The following COL5A2 variants were observed in gnomAD, a reference collection of about 807,000 sequenced individuals.
COL5A2 encodes collagen alpha-2(V) chain.
COL5A2 carries 23 observed loss-of-function variants against 208.2 expected under a neutral mutation model. The observed-to-expected ratio is 0.11, with a 90% CI of 0.08 to 0.16. The LOEUF (loss-of-function observed/expected upper bound fraction) is 0.16, where lower values mean the gene tolerates loss of function less well. Ranked by LOEUF, COL5A2 falls within the 10% of genes least tolerant of loss-of-function variation. COL5A2 has a pLI of 1.00. For synonymous variants in COL5A2, 625 were observed against 628.5 expected (o/e 0.99, Z 0.08); for missense variants, 1,590 against 1,956.4 (o/e 0.81, Z 3.53).
the COL5A2 span, among the ~76,000 whole-genome samples, chr2:189,342,747 G>A: frequency 6.6e-6 from 1 of 151,356 alleles, no homozygotes; most frequent in African/African-American, 2.4e-5. Context: ...TATACATTTT[G>A]TGTATTTGAG....
upstream of COL5A2, among the ~76,000 whole-genome samples, chr2:189,182,861 C>T (rs1387576847): frequency 3.3e-5 from 5 of 152,172 alleles, no homozygotes; most frequent in East Asian, 7.7e-4. Flanking sequence ...GATGATCCCT[C>T]CCTCTGCACT....
At chr2:189,270,686 G>C in the COL5A2 span, among the ~76,000 whole-genome samples, 5 of 151,966 alleles carry the variant, frequency 3.3e-5, no homozygotes, top group African/African-American at 4.8e-5. Flanking sequence ...AGAAATAAAG[G>C]GTATTCAAAT....
chr2:189,268,286 A>G, the COL5A2 span, among the ~76,000 whole-genome samples: 7 of 152,306 alleles, frequency 4.6e-5, no homozygotes, highest in East Asian at 9.6e-4. Context: ...TTTTTAAGAT[A>G]TAACATTCTC....
intron 1 of COL5A2, among the ~76,000 whole-genome samples, chr2:189,223,390 C>T (rs749463580): frequency 6.6e-6 from 1 of 152,138 alleles, no homozygotes; most frequent in Non-Finnish European, 1.5e-5. Flanking sequence ...AATCATTCTC[C>T]TCATTCACTG....
In COL5A2 at chr2:189,064,580, C is replaced by G. The variant is rs730880066; in HGVS notation, c.1693G>C (p.Glu565Gln). Residue 565 changes from glutamate to glutamine, a missense_variant, in exon 25 of 54, where the codon GAA becomes CAA. Transcript: ENST00000374866. Reference protein sequence around the residue: ...GSQGDPGRPGEPGLPGARGLT... With the variant: ...GSQGDPGRPGQPGLPGARGLT... ...ACCCGAGCACCTGGAAGCCCAGGTTCCCCTGGACGTCCTGGATCCCCCTGG... is the reference window on the plus strand; with the variant it reads ...ACCCGAGCACCTGGAAGCCCAGGTTGCCCTGGACGTCCTGGATCCCCCTGG... The G allele has an allele frequency of 1.9e-6, 3 of 1,613,628 alleles. No individual in the cohort carries two copies. Among genetic ancestry groups the G allele is most frequent in the Admixed American group, 1.7e-5 (1 of 59,974 alleles).
In COL5A2 at chr2:189,043,219, C is replaced by T. The variant is rs1306884271; in HGVS notation, c.3403G>A (p.Asp1135Asn). 1 of 1,613,940 alleles carries T rather than the reference C, an allele frequency of 6.2e-7. No individual in the cohort carries two copies. Among genetic ancestry groups the T allele is most frequent in the Non-Finnish European group, 8.5e-7 (1 of 1,179,888 alleles). Residue 1135 changes from aspartate to asparagine, a missense_variant, in exon 48 of 54, where the codon GAC (aspartate) becomes AAC (asparagine). By Grantham distance (23) the Asp-to-Asn change is conservative. Transcript: ENST00000374866. ...CCCTTCTGACCTCTGTCACCTCGGTCTCCATGATCACCTTTGTCACCACGA... is the reference window on the plus strand; with the variant it reads ...CCCTTCTGACCTCTGTCACCTCGGTTTCCATGATCACCTTTGTCACCACGA... ...GPRGDKGDHG[D>N]RGDRGQKGHR... is the part of the protein sequence containing the mutation.
chr2:189,348,468 T>C, the COL5A2 span, among the ~76,000 whole-genome samples: 1 of 152,152 alleles, frequency 6.6e-6, no homozygotes, highest in Non-Finnish European at 1.5e-5. Flanking sequence ...GTACACGTTC[T>C]AGTTATGAAA....
chr2:189,300,810 G>T, the COL5A2 span, among the ~76,000 whole-genome samples: 2 of 152,356 alleles, frequency 1.3e-5, no homozygotes, highest in Middle Eastern at 3.4e-3. Flanking sequence ...CTTTGTGGAA[G>T]TCAGATAGTC....
intron 1 of COL5A2, among the ~76,000 whole-genome samples, chr2:189,224,208 T>C (rs575973953): frequency 6.6e-6 from 1 of 151,794 alleles, no homozygotes; most frequent in Non-Finnish European, 1.5e-5. Context: ...AAAATGTATG[T>C]CAAAAATTAA....
At chr2:189,279,976 A>G in the COL5A2 span, among the ~76,000 whole-genome samples, 2 of 152,068 alleles carry the variant, frequency 1.3e-5, no homozygotes, top group Non-Finnish European at 2.9e-5. Flanking sequence ...CATGAATAAA[A>G]TTAGTGCCCT....
At chr2:189,400,985 C>T in the COL5A2 span, among the ~76,000 whole-genome samples, 5 of 152,178 alleles carry the variant, frequency 3.3e-5, no homozygotes, top group Non-Finnish European at 1.5e-5. Flanking sequence ...CTTTATGTAT[C>T]AGAGTAACTT....
chr2:189,411,524 G>GA, the COL5A2 span, among the ~76,000 whole-genome samples: 1 of 152,060 alleles, frequency 6.6e-6, no homozygotes, highest in Non-Finnish European at 1.5e-5. Context: ...ATTATCACAT[G>GA]GTTGGAAATC....
chr2:189,353,414 A>G, the COL5A2 span, among the ~76,000 whole-genome samples: 3 of 152,320 alleles, frequency 2.0e-5, no homozygotes, highest in South Asian at 4.1e-4. Flanking sequence ...GATTCTTCCT[A>G]TCCATGAGCA....
chr2:189,175,526 T>C (rs1688660087), intron 1 of COL5A2, among the ~76,000 whole-genome samples: 1 of 150,554 alleles, frequency 6.6e-6, no homozygotes, highest in Non-Finnish European at 1.5e-5. Flanking sequence ...AGCATTTCTT[T>C]ATATTTAAAA....
At chr2:189,077,147 C>A (rs1686423526) in intron 16 of COL5A2, among the ~76,000 whole-genome samples, 1 of 152,094 alleles carries the variant, frequency 6.6e-6, no homozygotes, top group Non-Finnish European at 1.5e-5. Context: ...CCCATTCCCC[C>A]CATTAATAGT....
chr2:189,333,847 T>C, the COL5A2 span, among the ~76,000 whole-genome samples: 6 of 152,132 alleles, frequency 3.9e-5, no homozygotes, highest in East Asian at 1.2e-3. Context: ...ATTTCCATTG[T>C]TTAAGCCACT....
chr2:189,299,191 C>A, the COL5A2 span, among the ~76,000 whole-genome samples: 1 of 152,190 alleles, frequency 6.6e-6, no homozygotes, highest in Admixed American at 6.5e-5. Context: ...AGTATATTTA[C>A]TATTTTGCTG....
At chr2:189,041,796 T>A in intron 49 of COL5A2, 103 bp from the exon 50 acceptor site, 1 of 714,356 alleles carries the variant, frequency 1.4e-6, no homozygotes, top group Non-Finnish European at 2.5e-6. Flanking sequence ...GTAACAGTGA[T>A]TTCTAAGATT....
chr2:189,247,583 C>CTT, the COL5A2 span, among the ~76,000 whole-genome samples: 7 of 140,132 alleles, frequency 5.0e-5, no homozygotes, highest in Admixed American at 7.1e-5. Context: ...AAAAAAATTT[C>CTT]TTTTTTTTTT....
Sources: gnomAD v4.1 joint callset for allele counts (sites outside exome capture counted in the v4.1 genomes callset) on GRCh38, gnomAD v4.1.1 for gene constraint, MANE v1.5 for transcripts, NCBI Gene and HGNC (gene_info 2026-07-23, HGNC 2026-07-21) for gene names.